The following GPR158 variants were observed in gnomAD, a reference collection of about 807,000 sequenced individuals.
GPR158 encodes the protein metabotropic glycine receptor.
A neutral mutation model predicts 78.2 loss-of-function variants in GPR158; 30 were observed. That is an observed-to-expected ratio of 0.38 (90% CI 0.29 to 0.52). The LOEUF (loss-of-function observed/expected upper bound fraction) is 0.52, where lower values mean the gene tolerates loss of function less well. Ranked by LOEUF, GPR158 falls within the 20% of genes least tolerant of loss-of-function variation. The pLI is 0.83. For missense variants in GPR158, 1,463 were observed against 1,523.5 expected (o/e 0.96, Z 0.66); for synonymous variants, 581 against 591.1 (o/e 0.98, Z 0.25).
rs942458604 is a variant in GPR158 at position 25,369,314 on chromosome 10, T to C, written c.1009-26597T>C. Reference sequence around the variant, plus strand: ...ATATTGGCTGTGGGTTTGTCATAGATAGCTCTTATTATTTTGAGATACATC... The same window carrying C: ...ATATTGGCTGTGGGTTTGTCATAGACAGCTCTTATTATTTTGAGATACATC... On this transcript the variant is annotated intron_variant, in intron 2 of 10. Transcript: ENST00000376351. Among the ~76,000 whole-genome samples the C allele has an allele frequency of 2.0e-5, 3 of 150,430 alleles. No homozygotes were observed. The East Asian group carries it at 5.8e-4, about 29-fold the overall frequency.
At chr10:25,217,987 G>A (rs7082745) in intron 1 of GPR158, among the ~76,000 whole-genome samples, 42,128 of 151,872 alleles carry the variant, frequency 0.28, 6,729 homozygotes, top group Admixed American at 0.36. Context: ...ATGCCCACTC[G>A]GGACAGAGGG....
At chr10:25,389,085 G>A (rs1834259274) in intron 2 of GPR158, among the ~76,000 whole-genome samples, 1 of 152,220 alleles carries the variant, frequency 6.6e-6, no homozygotes, top group Admixed American at 6.5e-5. Context: ...AAACAGCCTG[G>A]GTGCCATGAA....
intron 2 of GPR158, among the ~76,000 whole-genome samples, chr10:25,320,660 A>G (rs1166418623): frequency 2.6e-5 from 4 of 152,136 alleles, no homozygotes; most frequent in Non-Finnish European, 4.4e-5. Flanking sequence ...AATTGTTGCT[A>G]TTTGTCTCTA....
At chr10:25,302,654 T>A (rs1378442609) in intron 2 of GPR158, among the ~76,000 whole-genome samples, 2 of 152,192 alleles carry the variant, frequency 1.3e-5, no homozygotes, top group East Asian at 1.9e-4. Flanking sequence ...CTTACTTTTT[T>A]AAGATAACTT....
chr10:25,198,879 G>A (rs1205896912), intron 1 of GPR158, among the ~76,000 whole-genome samples: 1 of 151,910 alleles, frequency 6.6e-6, no homozygotes, highest in Non-Finnish European at 1.5e-5. Flanking sequence ...GTTTAGATAG[G>A]TTCTATTGAG....
chr10:25,449,855 T>C (rs1268493167), intron 4 of GPR158, among the ~76,000 whole-genome samples: 1 of 152,146 alleles, frequency 6.6e-6, no homozygotes, highest in Non-Finnish European at 1.5e-5. Context: ...ATTAAAATTT[T>C]TAAAAAATTT....
intron 4 of GPR158, among the ~76,000 whole-genome samples, chr10:25,464,170 A>T (rs926799700): frequency 6.6e-6 from 1 of 152,312 alleles, no homozygotes; most frequent in South Asian, 2.1e-4. Flanking sequence ...ACAATTACAA[A>T]TGAAAAGGAG....
intron 2 of GPR158, among the ~76,000 whole-genome samples, chr10:25,302,443 C>A (rs531832412): frequency 6.6e-6 from 1 of 152,164 alleles, no homozygotes; most frequent in South Asian, 2.1e-4. Flanking sequence ...GTTTCCTAAG[C>A]CTTTCTAGTT....
intron 4 of GPR158, among the ~76,000 whole-genome samples, chr10:25,433,666 G>T (rs1262100709): frequency 7.0e-6 from 1 of 142,046 alleles, no homozygotes; most frequent in Non-Finnish European, 1.6e-5. Flanking sequence ...TATCTGAAGG[G>T]CATTTTCCTT....
chr10:25,249,348 G>A (rs1402040382), intron 2 of GPR158, among the ~76,000 whole-genome samples: 1 of 152,176 alleles, frequency 6.6e-6, no homozygotes, highest in African/African-American at 2.4e-5. Context: ...CCAACACTAT[G>A]TTGAATAGGA....
intron 2 of GPR158, among the ~76,000 whole-genome samples, chr10:25,348,681 G>A (rs1234048269): frequency 7.2e-5 from 11 of 151,956 alleles, no homozygotes; most frequent in Non-Finnish European, 4.4e-5. Flanking sequence ...TAATGAGTTT[G>A]TAGTATCCTC....
intron 2 of GPR158, among the ~76,000 whole-genome samples, chr10:25,233,998 A>G (rs961765813): frequency 6.6e-6 from 1 of 152,186 alleles, no homozygotes; most frequent in Admixed American, 6.5e-5. Context: ...AAATGAATTA[A>G]TACATATTTT....
At chr10:25,222,670 G>A (rs2765710) in intron 2 of GPR158, among the ~76,000 whole-genome samples, 30,879 of 151,986 alleles carry the variant, frequency 0.2, 4,852 homozygotes, top group African/African-American at 0.43. Context: ...TATCATCTCT[G>A]TGCCAAATGT....
chr10:25,476,768 C>CTGAT (rs1437656728), intron 5 of GPR158, among the ~76,000 whole-genome samples: 5 of 152,036 alleles, frequency 3.3e-5, no homozygotes, highest in Admixed American at 6.6e-5. Flanking sequence ...ACTCAAATGA[C>CTGAT]ATCAAACGGG....
chr10:25,439,783 A>G (rs1835044337), intron 4 of GPR158, among the ~76,000 whole-genome samples: 1 of 152,166 alleles, frequency 6.6e-6, no homozygotes, highest in Non-Finnish European at 1.5e-5. Context: ...TCCTATTGGA[A>G]TTTTGATTGG....
At chr10:25,279,333 T>G (rs1854234329) in intron 2 of GPR158, among the ~76,000 whole-genome samples, 1 of 152,148 alleles carries the variant, frequency 6.6e-6, no homozygotes, top group Admixed American at 6.5e-5. Context: ...ATAAGAAACC[T>G]GACAATGAGA....
At chr10:25,195,220 T>G (rs1852828192) in intron 1 of GPR158, among the ~76,000 whole-genome samples, 1 of 151,904 alleles carries the variant, frequency 6.6e-6, no homozygotes, top group African/African-American at 2.4e-5. Flanking sequence ...TTTCTTTTTT[T>G]TTTGAGACGG....
At chr10:25,206,710 A>G (rs1853043336) in intron 1 of GPR158, among the ~76,000 whole-genome samples, 1 of 151,966 alleles carries the variant, frequency 6.6e-6, no homozygotes. Context: ...CACTATTCTT[A>G]CTGGCTGCCT....
chr10:25,469,927 G>A (rs1835475152), intron 5 of GPR158, among the ~76,000 whole-genome samples: 1 of 150,780 alleles, frequency 6.6e-6, no homozygotes, highest in Non-Finnish European at 1.5e-5. Context: ...CTTCTTCCAT[G>A]CTAGCCGCCT....
Sources: allele counts gnomAD v4.1 joint callset (sites outside exome capture counted in the v4.1 genomes callset), GRCh38; gene constraint gnomAD v4.1.1; transcripts MANE v1.5; gene names NCBI Gene and HGNC (gene_info 2026-07-23, HGNC 2026-07-21).